CNTNAP2: variants seen among roughly 807,000 people sequenced by gnomAD.
CNTNAP2 encodes contactin associated protein 2.
A neutral mutation model predicts 155.2 loss-of-function variants in CNTNAP2; 98 were observed. The ratio of observed to expected loss-of-function variants is 0.63; its 90% confidence interval spans 0.54 to 0.75. The LOEUF (loss-of-function observed/expected upper bound fraction) is 0.75, where lower values mean the gene tolerates loss of function less well. Among genes scored for constraint, CNTNAP2 ranks in the 30% least tolerant of loss-of-function variants. The probability of loss-of-function intolerance (pLI) is 0.00; values close to 1 mark genes in which losing one functional copy is unlikely to be tolerated. For synonymous variants in CNTNAP2, 651 were observed against 631.2 expected (o/e 1.03, Z -0.47); for missense variants, 1,727 against 1,688.1 (o/e 1.02, Z -0.40).
intron 8 of CNTNAP2, among the ~76,000 whole-genome samples, chr7:147,159,142 AG>A (rs1801980412): frequency 6.6e-6 from 1 of 152,044 alleles, no homozygotes; most frequent in African/African-American, 2.4e-5. Flanking sequence ...GCAATTTTAG[AG>A]GTTTCTGAAG....
At chr7:146,718,672 A>G (rs1801233480) in intron 1 of CNTNAP2, among the ~76,000 whole-genome samples, 2 of 152,148 alleles carry the variant, frequency 1.3e-5, no homozygotes, top group Admixed American at 1.3e-4. Flanking sequence ...TGAAGTTTAG[A>G]TAAGGACAGA....
chr7:148,382,191 C>T (rs966949064), intron 21 of CNTNAP2, among the ~76,000 whole-genome samples: 5 of 152,224 alleles, frequency 3.3e-5, no homozygotes, highest in East Asian at 3.8e-4. Flanking sequence ...GCTCAGTGGA[C>T]GCTTCTGCCA....
chr7:148,018,402 T>C (rs1005558099), intron 15 of CNTNAP2, among the ~76,000 whole-genome samples: 2 of 152,206 alleles, frequency 1.3e-5, no homozygotes, highest in African/African-American at 4.8e-5. Context: ...AGAAATTTCA[T>C]TTCTAAAGGA....
intron 3 of CNTNAP2, among the ~76,000 whole-genome samples, chr7:146,947,849 C>T (rs1410607845): frequency 6.6e-6 from 1 of 151,686 alleles, no homozygotes; most frequent in East Asian, 1.9e-4. Flanking sequence ...GAGGCTACAG[C>T]GAGCTATAAT....
chr7:146,585,421 A>G (rs1027392743), intron 1 of CNTNAP2, among the ~76,000 whole-genome samples: 3 of 152,076 alleles, frequency 2.0e-5, no homozygotes, highest in Admixed American at 2.0e-4. Context: ...CACCCGGCCT[A>G]AACCTGAGTA....
At chr7:146,665,783 T>TAAGAAAAAAAAA (rs1800180117) in intron 1 of CNTNAP2, among the ~76,000 whole-genome samples, 1 of 48,282 alleles carries the variant, frequency 2.1e-5, no homozygotes, top group Non-Finnish European at 3.6e-5. Flanking sequence ...TCTGTCTCAT[T>TAAGAAAAAAAAA]AAAAAAAAAA....
At chr7:146,863,107 T>C (rs1289544498) in intron 3 of CNTNAP2, among the ~76,000 whole-genome samples, 1 of 152,184 alleles carries the variant, frequency 6.6e-6, no homozygotes, top group Non-Finnish European at 1.5e-5. Context: ...AAAACTCCTT[T>C]AGATCAGTAA....
intron 21 of CNTNAP2, among the ~76,000 whole-genome samples, chr7:148,314,183 T>C: frequency 6.6e-6 from 1 of 151,972 alleles, no homozygotes. Context: ...TCAGCGACAC[T>C]TGGGGTTGGG....
At chr7:146,827,549 A>G (rs1223329896) in intron 2 of CNTNAP2, among the ~76,000 whole-genome samples, 1 of 150,828 alleles carries the variant, frequency 6.6e-6, no homozygotes, top group Non-Finnish European at 1.5e-5. Flanking sequence ...GAATGATGAC[A>G]TTTTCTGGAC....
rs192179947 is a variant in CNTNAP2, at chr7:147,463,675, C to T, written c.1671-22260C>T. Among the ~76,000 whole-genome samples the T allele has an allele frequency of 4.6e-5, 7 of 152,210 alleles. No individual in the cohort carries two copies. The East Asian group carries it at 1.4e-3, about 29-fold the overall frequency. ...TTCACTTTTTGGCAAAATCAACAGCCTTTTTGCAAACCGTATCTGTCACAA... is the reference window on the plus strand; with the variant it reads ...TTCACTTTTTGGCAAAATCAACAGCTTTTTTGCAAACCGTATCTGTCACAA... On this transcript the variant is annotated intron_variant, in intron 10 of 23. Transcript: ENST00000361727.
At chr7:147,904,796 G>A (rs959448537) in intron 14 of CNTNAP2, among the ~76,000 whole-genome samples, 1 of 152,122 alleles carries the variant, frequency 6.6e-6, no homozygotes, top group Non-Finnish European at 1.5e-5. Context: ...GTGTGTATAT[G>A]TGTGTAAAAT....
rs1028116559 is a variant in CNTNAP2, at chr7:147,392,150, C to G, written c.1499-3459C>G. Among the ~76,000 whole-genome samples the G allele has an allele frequency of 9.2e-5, 14 of 152,126 alleles. No homozygotes were observed. In the East Asian group the frequency reaches 2.3e-3, roughly 25 times the overall value. On this transcript the variant is annotated intron_variant, in intron 9 of 23. Transcript: ENST00000361727. ...GAACATAGCAAAGATCTAATTTTCTCTAATTTCTGATGACACTTTTCTCAC... is the reference window on the plus strand; with the variant it reads ...GAACATAGCAAAGATCTAATTTTCTGTAATTTCTGATGACACTTTTCTCAC...
chr7:146,206,560 T>C (rs570064887), intron 1 of CNTNAP2, among the ~76,000 whole-genome samples: 4 of 152,036 alleles, frequency 2.6e-5, no homozygotes, highest in African/African-American at 9.6e-5. Context: ...TACATTAATA[T>C]ACAATGCATC....
chr7:148,112,760 G>A (rs542223346), intron 15 of CNTNAP2, among the ~76,000 whole-genome samples: 1 of 152,126 alleles, frequency 6.6e-6, no homozygotes, highest in South Asian at 2.1e-4. Context: ...AAAGGGGCTG[G>A]GGAAGCAGGC....
At chr7:146,140,334 A>G (rs1480178206) in intron 1 of CNTNAP2, among the ~76,000 whole-genome samples, 2 of 151,998 alleles carry the variant, frequency 1.3e-5, no homozygotes, top group Admixed American at 1.3e-4. Context: ...TCATCTGTCC[A>G]TCTCCTATTC....
chr7:146,294,354 G>A (rs578224054), intron 1 of CNTNAP2, among the ~76,000 whole-genome samples: 36 of 152,234 alleles, frequency 2.4e-4, no homozygotes, highest in African/African-American at 8.7e-4. Context: ...AGGATATTTG[G>A]ACGCTGCCCT....
chr7:146,754,552 CTG>C (rs886550354), intron 1 of CNTNAP2, among the ~76,000 whole-genome samples: 22 of 113,360 alleles, frequency 1.9e-4, no homozygotes, highest in African/African-American at 8.6e-4. Context: ...CTCTCTCTCT[CTG>C]TCTCTCTCTC....
Position 147,395,649 on chromosome 7 carries a change from T to C in CNTNAP2, c.1539T>C (p.Leu513=), listed in dbSNP as rs1439868390. The C allele has an allele frequency of 1.2e-6, 2 of 1,612,470 alleles. No homozygotes were observed. Among genetic ancestry groups the C allele is most frequent in the Non-Finnish European group, 1.7e-6 (2 of 1,178,762 alleles). The change falls in exon 10 of 24, where the codon CTT becomes CTC. Residue 513 remains leucine, a synonymous_variant. Coordinates refer to ENST00000361727, the MANE Select transcript of CNTNAP2 (RefSeq NM_014141.6). ...TGAATAACTCAAGTCACTCTGTCCT[T>C]CAGCCTTCATTCCAAGGATGCATGC... ...NQMNNSSHSV[L]QPSFQGCMQL...
intron 1 of CNTNAP2, among the ~76,000 whole-genome samples, chr7:146,208,374 G>C (rs747270170): frequency 6.6e-6 from 1 of 151,802 alleles, no homozygotes; most frequent in Non-Finnish European, 1.5e-5. Context: ...ACTCTCTTCT[G>C]TCAAGAAAAA....
Sources: allele counts gnomAD v4.1 joint callset (sites outside exome capture counted in the v4.1 genomes callset), GRCh38; gene constraint gnomAD v4.1.1; transcripts MANE v1.5; gene names NCBI Gene and HGNC (gene_info 2026-07-23, HGNC 2026-07-21).